EVI5: variants seen among roughly 807,000 people sequenced by gnomAD.
EVI5 encodes the protein ecotropic viral integration site 5, also known as ecotropic viral integration site 5 protein homolog.
EVI5 carries 73 observed loss-of-function variants against 112.0 expected under a neutral mutation model. The ratio of observed to expected loss-of-function variants is 0.65; its 90% CI spans 0.54 to 0.79. The LOEUF is 0.79. EVI5 is among the 30% of genes least tolerant of loss of function. The probability of loss-of-function intolerance (pLI) is 0.00; values close to 1 mark genes in which losing one functional copy is unlikely to be tolerated. For missense variants in EVI5, 900 were observed against 968.8 expected (o/e 0.93, Z 0.94); for synonymous variants, 305 against 319.9 (o/e 0.95, Z 0.50).
intron 18 of EVI5, among the ~76,000 whole-genome samples, chr1:92,568,952 G>A (rs1006033187): frequency 5.3e-5 from 8 of 152,140 alleles, no homozygotes; most frequent in South Asian, 2.1e-4. Flanking sequence ...AAGTTTTGGG[G>A]GAGTCAAAAG....
intron 18 of EVI5, among the ~76,000 whole-genome samples, chr1:92,569,585 G>A (rs1669991358): frequency 6.6e-6 from 1 of 152,082 alleles, no homozygotes; most frequent in South Asian, 2.1e-4. Flanking sequence ...GCCAGGCGCG[G>A]TGGCTCATGC....
At chr1:92,775,098 A>C (rs1363984505) in intron 1 of EVI5, among the ~76,000 whole-genome samples, 1 of 152,252 alleles carries the variant, frequency 6.6e-6, no homozygotes, top group Non-Finnish European at 1.5e-5. Flanking sequence ...CATGCACCGC[A>C]TAAGAACATT....
At chr1:92,646,152 C>T (rs909139017) in intron 13 of EVI5, among the ~76,000 whole-genome samples, 2 of 152,120 alleles carry the variant, frequency 1.3e-5, no homozygotes, top group Non-Finnish European at 1.5e-5. Flanking sequence ...TTTATTTAGT[C>T]TTTTTAAAAA....
intron 18 of EVI5, among the ~76,000 whole-genome samples, chr1:92,585,075 T>C (rs1172682667): frequency 6.6e-6 from 1 of 151,912 alleles, no homozygotes; most frequent in Non-Finnish European, 1.5e-5. Context: ...AATTTAAAAA[T>C]TAGCCAGGTG....
chr1:92,587,063 C>T (rs188478000), intron 18 of EVI5, among the ~76,000 whole-genome samples: 3 of 152,206 alleles, frequency 2.0e-5, no homozygotes, highest in South Asian at 2.1e-4. Context: ...CTAGATATAG[C>T]AATATCCTAA....
chr1:92,659,309 T>C (rs572372027), intron 13 of EVI5, among the ~76,000 whole-genome samples: 38 of 151,986 alleles, frequency 2.5e-4, no homozygotes, highest in African/African-American at 5.8e-4. Flanking sequence ...ACAGAGTGAA[T>C]AGACAACCTA....
chr1:92,549,870 G>A (rs1020706068), intron 19 of EVI5, among the ~76,000 whole-genome samples: 1 of 152,174 alleles, frequency 6.6e-6, no homozygotes, highest in Non-Finnish European at 1.5e-5. Context: ...AGAGGATGTG[G>A]AGAAATAGGA....
At chr1:92,630,746 G>A (rs1032230392) in intron 14 of EVI5, among the ~76,000 whole-genome samples, 2 of 152,098 alleles carry the variant, frequency 1.3e-5, no homozygotes, top group African/African-American at 4.8e-5. Flanking sequence ...CCTTGCCCAC[G>A]CCTATGTCCT....
At position 92,527,429 on chromosome 1, in the gene EVI5, A is replaced by G. The variant is rs28633975; in HGVS notation, c.2167-13459T>C. Reference sequence around the variant, plus strand: ...GACACTGTCTCAAAAAAAAAAAAAAAAAAAGAAAAAAAGAAATAAAAGAAA... The same window carrying G: ...GACACTGTCTCAAAAAAAAAAAAAAGAAAAGAAAAAAAGAAATAAAAGAAA... On this transcript the variant is annotated intron_variant, in intron 19 of 19. Coordinates refer to ENST00000684568, the MANE Select transcript of EVI5 (RefSeq NM_001350197.2). Among the ~76,000 whole-genome samples the G allele has an allele frequency of 7.1e-4, 95 of 134,722 alleles. 3 individuals carry two copies. The highest frequency in any genetic ancestry group is 1.3e-3 in the African/African-American group (48 of 35,720). 88.4% of individuals were successfully genotyped at this position (134,722 alleles called of 152,430 possible).
intron 2 of EVI5, among the ~76,000 whole-genome samples, chr1:92,722,153 C>CT (rs1007179366): frequency 2.0e-5 from 3 of 151,658 alleles, no homozygotes; most frequent in Admixed American, 6.6e-5. Context: ...ACCTCTCATA[C>CT]TTTTTTTTGT....
intron 16 of EVI5, among the ~76,000 whole-genome samples, chr1:92,619,114 A>G (rs1653914115): frequency 6.6e-6 from 1 of 152,184 alleles, no homozygotes; most frequent in African/African-American, 2.4e-5. Context: ...ATCCAAGATC[A>G]ATACAAAGTA....
chr1:92,558,910 C>T (rs1256446226), intron 19 of EVI5, among the ~76,000 whole-genome samples: 1 of 150,814 alleles, frequency 6.6e-6, no homozygotes, highest in South Asian at 2.1e-4. Context: ...AAACCCCTAA[C>T]AACAACAACA....
At chr1:92,530,562 C>A (rs1256896096) in intron 19 of EVI5, among the ~76,000 whole-genome samples, 1 of 151,926 alleles carries the variant, frequency 6.6e-6, no homozygotes. Flanking sequence ...TGGCAGGTGC[C>A]CCTCTGGGAC....
rs72966760 is a variant in EVI5 at position 92,644,312 on chromosome 1, C to T, written c.1393-7976G>A. 2.7e-3 allele frequency among the ~76,000 whole-genome samples: 411 copies of T among 152,180 alleles called. 1 individual carries two copies. The highest frequency in any genetic ancestry group is 8.8e-3 in the African/African-American group (365 of 41,510). ...GTTGACAAGAAATACAATGACACCA[C>T]GAGGAAGGAATTAGACAAATCTAGA... On this transcript the variant is annotated intron_variant, in intron 13 of 19. Coordinates refer to ENST00000684568, the MANE Select transcript of EVI5 (RefSeq NM_001350197.2).
At chr1:92,718,165 C>A (rs1358155806) in intron 2 of EVI5, among the ~76,000 whole-genome samples, 1 of 152,158 alleles carries the variant, frequency 6.6e-6, no homozygotes, top group Non-Finnish European at 1.5e-5. Flanking sequence ...ATATCCACGA[C>A]TTGAACTCAG....
intron 18 of EVI5, among the ~76,000 whole-genome samples, chr1:92,603,626 T>C (rs534714879): frequency 1.1e-3 from 173 of 152,146 alleles, no homozygotes; most frequent in African/African-American, 4.0e-3. Context: ...TTTAAACTTT[T>C]TGACTCTTTT....
At chr1:92,698,577 T>C (rs1052032674) in intron 5 of EVI5, among the ~76,000 whole-genome samples, 4 of 152,154 alleles carry the variant, frequency 2.6e-5, no homozygotes, top group African/African-American at 9.7e-5. Context: ...GGAATCACAC[T>C]TGGCATGCTC....
intron 18 of EVI5, among the ~76,000 whole-genome samples, chr1:92,593,889 A>G (rs1206748044): frequency 6.6e-6 from 1 of 152,188 alleles, no homozygotes; most frequent in East Asian, 1.9e-4. Flanking sequence ...CTTCAAGGAG[A>G]ACTACAAACC....
chr1:92,590,561 G>C (rs1673647484), intron 18 of EVI5, among the ~76,000 whole-genome samples: 1 of 152,128 alleles, frequency 6.6e-6, no homozygotes, highest in African/African-American at 2.4e-5. Context: ...GAGAAGTTTA[G>C]AGAAAAAATA....
Sources: allele counts gnomAD v4.1 joint callset (sites outside exome capture counted in the v4.1 genomes callset), GRCh38; gene constraint gnomAD v4.1.1; transcripts MANE v1.5; gene names NCBI Gene and HGNC (gene_info 2026-07-23, HGNC 2026-07-21).